Variants in SLC6A6 observed in about 807,000 individuals in gnomAD.
SLC6A6 encodes the protein solute carrier family 6 member 6, also known as sodium- and chloride-dependent taurine transporter.
SLC6A6 carries 16 observed loss-of-function variants against 68.8 expected under a neutral mutation model. The observed-to-expected ratio is 0.23, with a 90% confidence interval of 0.16 to 0.35. SLC6A6 has a LOEUF of 0.35. SLC6A6 is among the 10% of genes least tolerant of loss of function. The pLI is 1.00. For synonymous variants in SLC6A6, 312 were observed against 315.4 expected (o/e 0.99, Z 0.12); for missense variants, 474 against 802.8 (o/e 0.59, Z 4.95).
Position 14,481,944 on chromosome 3 carries a change from G to A in SLC6A6, c.1722+103G>A, listed in dbSNP as rs1701018513. On this transcript the variant is annotated intron_variant, in intron 14 of 14. Transcript: ENST00000622186. The surrounding 1 kb of genome is among the most constrained non-coding windows in gnomAD (Gnocchi z 4.7). ...CTCAGGCAAGTCACCTGCCCTCTCT[G>A]AGCCATAGTTCCCTCACCCATCCAG... 1 of 927,136 alleles carries A rather than the reference G, an allele frequency of 1.1e-6. No homozygotes were observed. The highest frequency in any genetic ancestry group is 1.7e-6 in the Non-Finnish European group (1 of 602,144). 57.4% of individuals were successfully genotyped at this position (927,136 alleles called of 1,614,324 possible). A position where few individuals can be genotyped will look rare whatever the true frequency, so the allele number is the denominator to read the frequency against.
At chr3:14,403,107 TG>T in intron 1 of SLC6A6, among the ~76,000 whole-genome samples, 1 of 146,468 alleles carries the variant, frequency 6.8e-6, no homozygotes, top group South Asian at 2.1e-4. Flanking sequence ...TGTGTGTGTG[TG>T]TGTGTGTGTG....
At chr3:14,447,949 A>G in intron 5 of SLC6A6, 133 bp downstream of exon 5, 2 of 1,466,264 alleles carry the variant, frequency 1.4e-6, no homozygotes, top group Non-Finnish European at 1.8e-6. Context: ...AGATCTGGAG[A>G]TAAATTTATG....
At chr3:14,412,186 C>A (rs940490212) in intron 1 of SLC6A6, among the ~76,000 whole-genome samples, 1 of 152,160 alleles carries the variant, frequency 6.6e-6, no homozygotes, top group Admixed American at 6.5e-5. Flanking sequence ...TGCAGTCATC[C>A]TCTTGGTGGT....
chr3:14,449,189 G>T lies in SLC6A6; in HGVS notation c.599+1373G>T, dbSNP rs573714993. ...AAAGAAGGGGTCGGTTGCCCTCACT[G>T]GTGTGGAGCCCTTACTTGGTCGGTC... On this transcript the variant is annotated intron_variant, in intron 5 of 14. Coordinates refer to ENST00000622186, the MANE Select transcript of SLC6A6 (RefSeq NM_003043.6). Among the ~76,000 whole-genome samples, 4 of 152,342 alleles carry T rather than the reference G, an allele frequency of 2.6e-5. No homozygotes were observed. The South Asian group carries it at 6.2e-4, about 24-fold the overall frequency.
intron 5 of SLC6A6, 150 bp downstream of exon 5, chr3:14,447,966 G>A: frequency 6.9e-7 from 1 of 1,448,410 alleles, no homozygotes; most frequent in South Asian, 1.4e-5. Flanking sequence ...TATGCCTTTG[G>A]CCATAGACAG....
At chr3:14,404,385 C>G (rs1699059554) in intron 1 of SLC6A6, among the ~76,000 whole-genome samples, 1 of 152,030 alleles carries the variant, frequency 6.6e-6, no homozygotes, top group African/African-American at 2.4e-5. Flanking sequence ...TGGAGAGGAT[C>G]CAAAGGGGGC....
At position 14,477,461 on chromosome 3, in the gene SLC6A6, C is replaced by T. The variant is rs1029860629; in HGVS notation, c.1347+119C>T. On this transcript the variant is annotated intron_variant, in intron 11 of 14. Transcript: ENST00000622186. The surrounding 1 kb of genome is among the most constrained non-coding windows in gnomAD (Gnocchi z 4.2). ...AGGGGCTTCATCTCCCAGCCCCACC[C>T]AATTCAGGGGTCCTGCTTGGACCAA... The T allele has an allele frequency of 1.9e-6, 2 of 1,034,594 alleles. No homozygotes were observed. Among genetic ancestry groups the T allele is most frequent in the Non-Finnish European group, 2.9e-6 (2 of 688,364 alleles). The allele number at this position is 1,034,594 out of a possible 1,614,324, so 64.1% of individuals were successfully genotyped here. A position where few individuals can be genotyped will look rare whatever the true frequency, so the allele number is the denominator to read the frequency against.
intron 1 of SLC6A6, among the ~76,000 whole-genome samples, chr3:14,409,037 T>C (rs1699175811): frequency 6.6e-6 from 1 of 152,224 alleles, no homozygotes; most frequent in African/African-American, 2.4e-5. Context: ...CTCGATCTCC[T>C]GACCTGGTGA....
At chr3:14,422,923 C>T (rs906124375) in intron 2 of SLC6A6, among the ~76,000 whole-genome samples, 1 of 152,182 alleles carries the variant, frequency 6.6e-6, no homozygotes, top group African/African-American at 2.4e-5. Flanking sequence ...GGCATCCTGC[C>T]AGTCCTGGAC....
rs1700678655 is a variant in SLC6A6, at chr3:14,468,554, C to G, written c.1096+342C>G. Among the ~76,000 whole-genome samples, 2 of 152,074 alleles carry G rather than the reference C, an allele frequency of 1.3e-5. No individual in the cohort carries two copies. Among genetic ancestry groups the G allele is most frequent in the African/African-American group, 4.8e-5 (2 of 41,388 alleles). ...AGAAACCACTTTCCTAACTCAGGCC[C>G]AAGTCAGCCACCAATCGGCATTCCA... On this transcript the variant is annotated intron_variant, in intron 9 of 14. Transcript: ENST00000622186. The surrounding 1 kb of genome is among the most constrained non-coding windows in gnomAD (Gnocchi z 4.5).
At chr3:14,429,524 C>A (rs1232845411) in intron 2 of SLC6A6, among the ~76,000 whole-genome samples, 1 of 152,242 alleles carries the variant, frequency 6.6e-6, no homozygotes, top group Non-Finnish European at 1.5e-5. Flanking sequence ...CATGCACGCA[C>A]TGTCATGAGC....
chr3:14,434,987 T>C (rs898687227), intron 2 of SLC6A6, among the ~76,000 whole-genome samples: 8 of 152,248 alleles, frequency 5.3e-5, no homozygotes, highest in African/African-American at 1.7e-4. Context: ...TGGCTGTCTA[T>C]TAGACTCATA....
intron 1 of SLC6A6, among the ~76,000 whole-genome samples, chr3:14,408,477 G>A (rs552060337): frequency 3.3e-5 from 5 of 152,076 alleles, no homozygotes; most frequent in African/African-American, 7.2e-5. Flanking sequence ...TGGGACTACC[G>A]GCACGTGCCA....
rs114475263 is a variant in SLC6A6, at chr3:14,408,650, C to T, written c.-54+5803C>T. 6.4e-3 allele frequency among the ~76,000 whole-genome samples: 980 copies of T among 152,336 alleles called. 6 individuals carry two copies. The highest frequency in any genetic ancestry group is 0.011 in the Non-Finnish European group (781 of 68,036). Reference sequence around the variant, plus strand: ...TTAATATAAGGTTATACATTTCCCTCTGCATACAGCTTAAACTTTATCCAG... The same window carrying T: ...TTAATATAAGGTTATACATTTCCCTTTGCATACAGCTTAAACTTTATCCAG... On this transcript the variant is annotated intron_variant, in intron 1 of 14. Coordinates refer to ENST00000622186, the MANE Select transcript of SLC6A6 (RefSeq NM_003043.6).
intron 1 of SLC6A6, among the ~76,000 whole-genome samples, chr3:14,407,195 A>T (rs904717195): frequency 6.6e-5 from 10 of 151,728 alleles, no homozygotes; most frequent in African/African-American, 2.2e-4. Flanking sequence ...GACTACAGGC[A>T]TGCACCACCA....
At position 14,402,987 on chromosome 3, in the gene SLC6A6, G is replaced by A. The variant is rs1048868076; in HGVS notation, c.-54+140G>A. 2.6e-6 allele frequency: 1 copy of A among 380,796 alleles called. No homozygotes were observed. The highest frequency in any genetic ancestry group is 2.1e-5 in the African/African-American group (1 of 47,990). 23.6% of individuals were successfully genotyped at this position (380,796 alleles called of 1,614,324 possible). ...GGCGCCCCTTTCACCACCGCGGAAG[G>A]GACCGAGAGTCGCCTGCTCAGTCCC... On this transcript the variant is annotated intron_variant, in intron 1 of 14. Coordinates refer to ENST00000622186, the MANE Select transcript of SLC6A6 (RefSeq NM_003043.6). The surrounding 1 kb of genome is among the most constrained non-coding windows in gnomAD (Gnocchi z 4.8).
At chr3:14,448,457 G>A (rs1193577907) in intron 5 of SLC6A6, among the ~76,000 whole-genome samples, 1 of 152,164 alleles carries the variant, frequency 6.6e-6, no homozygotes, top group Non-Finnish European at 1.5e-5. Flanking sequence ...TATTGGCTGG[G>A]GTGTGAGGGG....
chr3:14,414,568 C>T (rs1465854480), intron 1 of SLC6A6, among the ~76,000 whole-genome samples: 1 of 152,078 alleles, frequency 6.6e-6, no homozygotes, highest in African/African-American at 2.4e-5. Flanking sequence ...CTCTGTCACC[C>T]TGGCTGGACT....
chr3:14,413,211 A>C (rs1343830715), intron 1 of SLC6A6, among the ~76,000 whole-genome samples: 1 of 152,192 alleles, frequency 6.6e-6, no homozygotes, highest in Non-Finnish European at 1.5e-5. Flanking sequence ...AGCCTGCTGG[A>C]GCCCAAGGAA....
Sources: allele counts gnomAD v4.1 joint callset (sites outside exome capture counted in the v4.1 genomes callset), GRCh38; gene constraint gnomAD v4.1.1; non-coding constraint Gnocchi (gnomAD v3.1); transcripts MANE v1.5; gene names NCBI Gene and HGNC (gene_info 2026-07-23, HGNC 2026-07-21).